Variants in HTR1E observed in about 807,000 individuals in gnomAD.
The protein encoded by HTR1E is 5-hydroxytryptamine receptor 1E, also known as 5-HT-1E.
Under a neutral mutation model 3.4 loss-of-function variants are expected in HTR1E, and 3 were observed. The observed-to-expected ratio is 0.89, with a 90% CI of 0.41 to 2.31. The LOEUF is 2.31. Among genes scored for constraint, HTR1E ranks in the 30% most tolerant of loss-of-function variants. HTR1E has a pLI of 0.05. For missense variants in HTR1E, 392 were observed against 467.0 expected, an observed-to-expected ratio of 0.84 and a Z score of 1.48; for synonymous variants, 170 against 182.8, an observed-to-expected ratio of 0.93 and a Z score of 0.56.
At chr6:86,970,559 G>A in intron 1 of HTR1E, 1 of 177,244 alleles carries the variant, frequency 5.6e-6, no homozygotes, top group Non-Finnish European at 1.2e-5. Flanking sequence ...AAAGAAGTTT[G>A]CCCAAAAGGT....
chr6:86,962,689 T>C (rs992029725), intron 1 of HTR1E, among the ~76,000 whole-genome samples: 2 of 151,864 alleles, frequency 1.3e-5, no homozygotes, highest in African/African-American at 4.8e-5. Flanking sequence ...AATACAAAAG[T>C]TAGCCGGGTG....
intron 1 of HTR1E, among the ~76,000 whole-genome samples, chr6:86,973,664 C>T (rs761458342): frequency 6.6e-6 from 1 of 152,218 alleles, no homozygotes; most frequent in Non-Finnish European, 1.5e-5. Flanking sequence ...ATTTAAGATA[C>T]TAATGAGACA....
intron 1 of HTR1E, among the ~76,000 whole-genome samples, chr6:86,986,914 T>C: frequency 6.6e-6 from 1 of 152,070 alleles, no homozygotes; most frequent in East Asian, 1.9e-4. Context: ...TTGGCCTCTT[T>C]CATAACCATA....
chr6:86,965,522 A>C (rs1562062741), intron 1 of HTR1E, among the ~76,000 whole-genome samples: 2 of 152,144 alleles, frequency 1.3e-5, no homozygotes, highest in African/African-American at 4.8e-5. Context: ...AGTCATCAAG[A>C]GTTTGTAGAA....
chr6:86,972,510 C>A (rs1375896248), intron 1 of HTR1E, among the ~76,000 whole-genome samples: 1 of 152,022 alleles, frequency 6.6e-6, no homozygotes, highest in Non-Finnish European at 1.5e-5. Flanking sequence ...AAATATTTAG[C>A]ATTTTACTCT....
At chr6:86,969,866 AC>A (rs1167819895) in intron 1 of HTR1E, among the ~76,000 whole-genome samples, 4 of 152,160 alleles carry the variant, frequency 2.6e-5, no homozygotes, top group Non-Finnish European at 4.4e-5. Flanking sequence ...ACACAGTGGA[AC>A]TTGGCCTGGG....
chr6:86,943,131 CAT>C (rs1430377602), intron 1 of HTR1E, among the ~76,000 whole-genome samples: 1 of 152,214 alleles, frequency 6.6e-6, no homozygotes, highest in Non-Finnish European at 1.5e-5. Context: ...ACTATTACCA[CAT>C]AGTCCTGTTA....
At chr6:86,977,518 T>C (rs759701225) in intron 1 of HTR1E, among the ~76,000 whole-genome samples, 15 of 152,160 alleles carry the variant, frequency 9.9e-5, no homozygotes, top group Non-Finnish European at 2.2e-4. Context: ...CTTTTTGGTA[T>C]AGTGATCTAT....
intron 1 of HTR1E, among the ~76,000 whole-genome samples, chr6:86,945,784 G>C (rs1000455635): frequency 6.6e-6 from 1 of 151,766 alleles, no homozygotes; most frequent in South Asian, 2.1e-4. Context: ...TCCCAGACTG[G>C]AGTGCAGTGG....
Position 87,015,998 on chromosome 6 carries a change from TTAA to T in HTR1E, c.665_667del (p.Leu222_Ser223delinsCys). 1 of 1,614,242 alleles carries T rather than the reference TTAA, an allele frequency of 6.2e-7. No homozygotes were observed. The highest frequency in any genetic ancestry group is 8.5e-7 in the Non-Finnish European group (1 of 1,180,040). On this transcript the variant is annotated inframe_deletion, in exon 2 of 2. Coordinates refer to ENST00000305344, the MANE Select transcript of HTR1E (RefSeq NM_000865.3). ...CCAGAAAAGGGGATCAAGTCGGCAC[TTAA>T]GCAACAGAAGCACAGATAGCCAGAA...
chr6:87,010,332 C>T (rs1292053006), intron 1 of HTR1E, among the ~76,000 whole-genome samples: 2 of 114,800 alleles, frequency 1.7e-5, no homozygotes, highest in Non-Finnish European at 3.6e-5. Context: ...CCCCCACCTC[C>T]CTCCCGGACG....
intron 1 of HTR1E, among the ~76,000 whole-genome samples, chr6:86,945,525 G>A (rs1471663225): frequency 6.6e-6 from 1 of 151,968 alleles, no homozygotes; most frequent in Non-Finnish European, 1.5e-5. Context: ...TTACAGGCGT[G>A]AGTATCTTAG....
chr6:87,015,725 G>A lies in HTR1E; in HGVS notation c.391G>A (p.Ala131Thr), dbSNP rs764472292. 13 of 1,611,538 alleles carry A rather than the reference G, an allele frequency of 8.1e-6. No homozygotes were observed. The highest frequency in any genetic ancestry group is 6.7e-5 in the East Asian group (3 of 44,830). ...GGCCATCACCAATGCTATTGAATAC[G>A]CCAGGAAGAGGACGGCCAAGAGGGC... The part of the protein sequence containing the change: ...YWAITNAIEY[A>T]RKRTAKRAAL... Residue 131 changes from alanine to threonine, a missense_variant, in exon 2 of 2, where the codon GCC (alanine) becomes ACC (threonine). By Grantham distance (58) the Ala-to-Thr change is moderately conservative. This residue lies in a region of HTR1E where 189 missense variants were observed against 258.0 expected (regional missense o/e 0.73). Transcript: ENST00000305344.
In HTR1E at chr6:87,016,108, G is replaced by A. The variant is rs989461988; in HGVS notation, c.774G>A (p.Lys258=). The change falls in exon 2 of 2, where the codon AAG becomes AAA. Residue 258 remains lysine (K), a synonymous_variant. Coordinates refer to ENST00000305344, the MANE Select transcript of HTR1E (RefSeq NM_000865.3). ...STSDPTTEFE[K]FHASIRIPPF... ...CAGACCCTACCACAGAGTTTGAAAA[G>A]TTCCATGCCTCCATCAGGATCCCCC... 1 of 1,614,150 alleles carries A rather than the reference G, an allele frequency of 6.2e-7. No individual in the cohort carries two copies. The highest frequency in any genetic ancestry group is 8.5e-7 in the Non-Finnish European group (1 of 1,180,022).
At chr6:87,010,156 T>C (rs1768189204) in intron 1 of HTR1E, among the ~76,000 whole-genome samples, 1 of 118,372 alleles carries the variant, frequency 8.4e-6, no homozygotes, top group Non-Finnish European at 1.7e-5. Flanking sequence ...GCCCCTCACC[T>C]CCCGGACGGG....
intron 1 of HTR1E, among the ~76,000 whole-genome samples, chr6:86,939,522 AGAGCTAGAAAG>A (rs1371142139): frequency 6.6e-6 from 1 of 152,196 alleles, no homozygotes; most frequent in Non-Finnish European, 1.5e-5. Flanking sequence ...TTCTAGTAAC[AGAGCTAGAAAG>A]GAGCCTTTTA....
chr6:87,002,026 G>T (rs1489066420), intron 1 of HTR1E, among the ~76,000 whole-genome samples: 1 of 152,138 alleles, frequency 6.6e-6, no homozygotes, highest in East Asian at 1.9e-4. Context: ...GACAAAGAAG[G>T]TCATTATATA....
chr6:86,951,053 C>T (rs547170830), intron 1 of HTR1E, among the ~76,000 whole-genome samples: 2 of 152,220 alleles, frequency 1.3e-5, no homozygotes, highest in Admixed American at 1.3e-4. Context: ...CATTGCAGAA[C>T]CTTCCTTGTC....
chr6:87,004,040 C>T (rs1280017721), intron 1 of HTR1E, among the ~76,000 whole-genome samples: 2 of 152,134 alleles, frequency 1.3e-5, no homozygotes, highest in African/African-American at 4.8e-5. Flanking sequence ...CACATACAAC[C>T]TACCAAGATT....
Sources: allele counts gnomAD v4.1 joint callset (sites outside exome capture counted in the v4.1 genomes callset), GRCh38; gene constraint gnomAD v4.1.1; regional missense constraint gnomAD v4.1.1; transcripts MANE v1.5; gene names NCBI Gene and HGNC (gene_info 2026-07-23, HGNC 2026-07-21).